Variants in PTGER3 observed in about 807,000 individuals in gnomAD.
PTGER3 encodes prostaglandin E2 receptor EP3 subtype.
PTGER3 carries 22 observed loss-of-function variants against 34.7 expected under a neutral mutation model. The observed-to-expected ratio is 0.63, with a 90% CI of 0.45 to 0.91. The LOEUF (loss-of-function observed/expected upper bound fraction) is 0.91. PTGER3 is among the 40% of genes least tolerant of loss of function. The pLI is 0.00. For missense variants in PTGER3, 468 were observed against 519.4 expected (o/e 0.90, Z 0.96); for synonymous variants, 241 against 230.1 (o/e 1.05, Z -0.43).
intron 2 of PTGER3, among the ~76,000 whole-genome samples, chr1:70,963,126 T>C (rs974471530): frequency 2.0e-5 from 3 of 152,222 alleles, no homozygotes; most frequent in African/African-American, 7.2e-5. Flanking sequence ...TTTGACTCCA[T>C]GTCTCACATC....
intron 4 of PTGER3, among the ~76,000 whole-genome samples, chr1:70,925,555 A>C (rs1647986585): frequency 6.6e-6 from 1 of 152,192 alleles, no homozygotes; most frequent in Non-Finnish European, 1.5e-5. Flanking sequence ...ATCATTTTTG[A>C]TGTAGTCACT....
chr1:70,914,546 C>G (rs2100409028), intron 4 of PTGER3, among the ~76,000 whole-genome samples: 1 of 151,994 alleles, frequency 6.6e-6, no homozygotes, highest in African/African-American at 2.4e-5. Context: ...AGACCCCTTA[C>G]TCTTCTCATA....
intron 1 of PTGER3, among the ~76,000 whole-genome samples, chr1:71,033,420 C>A (rs1036182100): frequency 2.0e-5 from 3 of 152,184 alleles, no homozygotes; most frequent in African/African-American, 7.2e-5. Flanking sequence ...CAGAAGGATG[C>A]TTCAGGCTTT....
At chr1:70,957,538 T>C (rs1278471326) in intron 2 of PTGER3, among the ~76,000 whole-genome samples, 1 of 152,172 alleles carries the variant, frequency 6.6e-6, no homozygotes, top group Non-Finnish European at 1.5e-5. Flanking sequence ...CACTTTTGAA[T>C]TTTCTTCCTT....
At chr1:70,967,153 A>G (rs553418857), downstream of PTGER3, among the ~76,000 whole-genome samples, 150 of 152,316 alleles carry the variant, frequency 9.8e-4, no homozygotes, top group South Asian at 0.029. Context: ...TACTTAAATA[A>G]GACTGCCAAA....
chr1:71,003,571 G>A (rs962948918), intron 2 of PTGER3, among the ~76,000 whole-genome samples: 12 of 152,190 alleles, frequency 7.9e-5, no homozygotes, highest in African/African-American at 2.9e-4. Flanking sequence ...CTGTTTTGGG[G>A]TGAGTAACCT....
chr1:70,886,102 C>T (rs11209707), intron 4 of PTGER3, among the ~76,000 whole-genome samples: 24,146 of 152,130 alleles, frequency 0.16, 4,021 homozygotes, highest in East Asian at 0.43. Flanking sequence ...AGTGTGCTGA[C>T]ATTTGGAGAT....
At chr1:70,945,150 A>G (rs1451582518) in intron 4 of PTGER3, among the ~76,000 whole-genome samples, 1 of 152,168 alleles carries the variant, frequency 6.6e-6, no homozygotes, top group Non-Finnish European at 1.5e-5. Flanking sequence ...ACTGTTATAC[A>G]TATTGCATCA....
At chr1:71,029,405 C>T (rs1424822100) in intron 1 of PTGER3, among the ~76,000 whole-genome samples, 1 of 152,202 alleles carries the variant, frequency 6.6e-6, no homozygotes, top group East Asian at 1.9e-4. Context: ...AGTTACTTTA[C>T]ATCTCAAAAC....
chr1:70,883,294 C>T (rs1646431590), intron 4 of PTGER3, among the ~76,000 whole-genome samples: 1 of 152,102 alleles, frequency 6.6e-6, no homozygotes, highest in African/African-American at 2.4e-5. Flanking sequence ...TCTTCTTAAG[C>T]TTTTAGGTTA....
At chr1:71,010,610 GA>G in intron 2 of PTGER3, 5 of 984,308 alleles carry the variant, frequency 5.1e-6, no homozygotes, top group Non-Finnish European at 4.8e-6. Flanking sequence ...GTGCACTTTT[GA>G]AAAAAAGTAG....
At chr1:70,870,904 G>A (rs1229002100) in intron 4 of PTGER3, among the ~76,000 whole-genome samples, 1 of 152,146 alleles carries the variant, frequency 6.6e-6, no homozygotes, top group Non-Finnish European at 1.5e-5. Flanking sequence ...AATTTGCGAA[G>A]TTTACCTCAT....
At chr1:70,921,291 C>T (rs1049632615) in intron 4 of PTGER3, among the ~76,000 whole-genome samples, 9 of 152,060 alleles carry the variant, frequency 5.9e-5, no homozygotes, top group South Asian at 2.1e-4. Context: ...GACAAGTGGC[C>T]GCCCGAACTT....
In PTGER3 at chr1:70,876,560, G is replaced by T. The variant is rs143053693; in HGVS notation, c.*24-23701C>A. On this transcript the variant is annotated intron_variant, in intron 4 of 4. Coordinates refer to the PTGER3 transcript ENST00000370931. ...CTATGTCCAGAATGATGTTTCCTAG[G>T]TTATCTTCCAGGGTTTTCATGTTGT... is the stretch of plus-strand genomic sequence containing the variant. Among the ~76,000 whole-genome samples, 259 of 152,070 alleles carry T rather than the reference G, an allele frequency of 1.7e-3. 2 individuals are homozygous for T. The highest frequency in any genetic ancestry group is 5.7e-3 in the African/African-American group (235 of 41,514).
At chr1:70,908,610 A>C (rs74089145) in intron 4 of PTGER3, among the ~76,000 whole-genome samples, 4,296 of 152,214 alleles carry the variant, frequency 0.028, 227 homozygotes, top group African/African-American at 0.099. Context: ...CCACCATCTA[A>C]ATAACCTATT....
At chr1:71,008,938 G>T in intron 2 of PTGER3, 2 of 982,020 alleles carry the variant, frequency 2.0e-6, no homozygotes, top group Non-Finnish European at 2.4e-6. Context: ...AAGCTTTTGG[G>T]GTTAAATTAT....
downstream of PTGER3, among the ~76,000 whole-genome samples, chr1:70,967,504 G>C (rs529054450): frequency 6.6e-6 from 1 of 152,098 alleles, no homozygotes; most frequent in East Asian, 1.9e-4. Flanking sequence ...TAAAGCTGTC[G>C]AAAATCTAGG....
At chr1:70,907,608 C>T (rs1646975424) in intron 4 of PTGER3, among the ~76,000 whole-genome samples, 1 of 152,206 alleles carries the variant, frequency 6.6e-6, no homozygotes, top group Non-Finnish European at 1.5e-5. Context: ...TGGGCAGGCA[C>T]ATCAGTAACA....
At chr1:71,010,144 T>G in intron 2 of PTGER3, 1 of 985,252 alleles carries the variant, frequency 1.0e-6, no homozygotes, top group Non-Finnish European at 1.2e-6. Flanking sequence ...TTTGCCTTTC[T>G]GTATTTTTGC....
Sources: allele counts gnomAD v4.1 joint callset (sites outside exome capture counted in the v4.1 genomes callset), GRCh38; gene constraint gnomAD v4.1.1; transcripts MANE v1.5; gene names NCBI Gene and HGNC (gene_info 2026-07-23, HGNC 2026-07-21).